Variants in ZNF514 observed in about 807,000 individuals in gnomAD.
ZNF514 encodes the protein zinc finger protein 514.
Under a neutral mutation model 9.7 loss-of-function variants are expected in ZNF514, and 12 were observed. That is an observed-to-expected ratio of 1.24 (90% CI 0.79 to 2.01). The LOEUF (loss-of-function observed/expected upper bound fraction) is 2.01, where lower values mean the gene tolerates loss of function less well. Among genes scored for constraint, ZNF514 ranks in the 30% most tolerant of loss-of-function variants. ZNF514 has a pLI of 0.00. For synonymous variants in ZNF514, 158 were observed against 163.7 expected (o/e 0.97, Z 0.27); for missense variants, 467 against 465.5 (o/e 1.00, Z -0.03).
the ZNF514 span, among the ~76,000 whole-genome samples, chr2:95,127,537 CTTCA>C: frequency 6.6e-6 from 1 of 152,084 alleles, no homozygotes; most frequent in Non-Finnish European, 1.5e-5. Flanking sequence ...ACCTCACTAT[CTTCA>C]TTGTGTTTAG....
the ZNF514 span, among the ~76,000 whole-genome samples, chr2:95,132,751 C>G: frequency 2.0e-5 from 3 of 151,706 alleles, no homozygotes; most frequent in Non-Finnish European, 4.4e-5. Flanking sequence ...GCCTGTAATC[C>G]CAGCTACTCA....
chr2:95,158,200 GGCCCCAGAGTCT>G (rs1475817726), intron 1 of ZNF514, among the ~76,000 whole-genome samples: 1 of 152,110 alleles, frequency 6.6e-6, no homozygotes, highest in Non-Finnish European at 1.5e-5. Flanking sequence ...GGATGTGTGG[GGCCCCAGAGTCT>G]GCAATTCTAG....
downstream of ZNF514, among the ~76,000 whole-genome samples, chr2:95,142,019 T>C (rs566706682): frequency 1.2e-4 from 18 of 152,304 alleles, no homozygotes; most frequent in African/African-American, 4.3e-4. Flanking sequence ...CTTATGGTCA[T>C]TCTTCTTTTC....
rs1673366630 is a variant in ZNF514, at chr2:95,146,613, A to T, written c.*2669T>A. Among the ~76,000 whole-genome samples, 2 of 150,234 alleles carry T rather than the reference A, an allele frequency of 1.3e-5. No homozygotes were observed. Among genetic ancestry groups the T allele is most frequent in the Admixed American group, 6.7e-5 (1 of 14,900 alleles). ...GCCTAAAGAGGGCATTATATACCAC[A>T]CACGGGGGGTGAGGATTTATCTTGT... On this transcript the variant is annotated 3_prime_UTR_variant, in exon 5 of 5. Transcript: ENST00000295208.
downstream of ZNF514, among the ~76,000 whole-genome samples, chr2:95,141,224 C>T (rs12471385): frequency 0.072 from 10,887 of 152,184 alleles, 540 homozygotes; most frequent in Middle Eastern, 0.13. Flanking sequence ...CAGGCTAATA[C>T]AGGAACCACA....
chr2:95,153,910 C>T (rs2104472102), intron 2 of ZNF514: 1 of 152,332 alleles, frequency 6.6e-6, no homozygotes, highest in South Asian at 2.1e-4. Context: ...CTACAAATTC[C>T]TGTTACTTTT....
In ZNF514 at chr2:95,145,077, C is replaced by T. The variant is rs1332296300; in HGVS notation, c.*4205G>A. Among the ~76,000 whole-genome samples the T allele has an allele frequency of 2.0e-5, 3 of 152,242 alleles. No individual in the cohort carries two copies. The highest frequency in any genetic ancestry group is 1.9e-4 in the East Asian group (1 of 5,188). ...TTCATATAGTACAAAAACATGCAGT[C>T]GGAAGCACTGAGAAAACTGGGCAAC... On this transcript the variant is annotated 3_prime_UTR_variant, in exon 5 of 5. Coordinates refer to ENST00000295208, the MANE Select transcript of ZNF514 (RefSeq NM_032788.3).
At chr2:95,129,883 A>G in the ZNF514 span, among the ~76,000 whole-genome samples, 1 of 152,346 alleles carries the variant, frequency 6.6e-6, no homozygotes, top group South Asian at 2.1e-4. Context: ...TTTGTTGGTC[A>G]GCAAGTAGGA....
In ZNF514 at chr2:95,159,639, G is replaced by A. The variant is rs1237473673; in HGVS notation, c.-495C>T. The A allele has an allele frequency of 4.8e-3, 206 of 43,050 alleles. 3 individuals carry two copies. The highest frequency in any genetic ancestry group is 7.4e-3 in the Non-Finnish European group (138 of 18,762). The allele number at this position is 43,050 out of a possible 1,614,324, so 2.7% of individuals were successfully genotyped here. A position where few individuals can be genotyped will look rare whatever the true frequency, so the allele number is the denominator to read the frequency against. On this transcript the variant is annotated 5_prime_UTR_variant, in exon 1 of 5. Transcript: ENST00000295208. The stretch of plus-strand genomic sequence containing the variant: ...CGCCCGCCACCCCGCGCCAGCCCCC[G>A]CCCGCCACCCCGCGCCAGCCCCCGC...
downstream of ZNF514, among the ~76,000 whole-genome samples, chr2:95,143,396 G>C (rs1205034933): frequency 6.6e-6 from 1 of 152,156 alleles, no homozygotes; most frequent in Admixed American, 6.5e-5. Flanking sequence ...CGAGGCGGGT[G>C]AATCACCTGA....
downstream of ZNF514, among the ~76,000 whole-genome samples, chr2:95,141,173 A>C (rs1265293005): frequency 6.6e-6 from 1 of 152,150 alleles, no homozygotes; most frequent in Non-Finnish European, 1.5e-5. Context: ...CCTGTTCCCC[A>C]AAAACCCAGT....
At chr2:95,139,610 T>TA in the ZNF514 span, among the ~76,000 whole-genome samples, 1 of 152,004 alleles carries the variant, frequency 6.6e-6, no homozygotes, top group African/African-American at 2.4e-5. Flanking sequence ...TGATTTTTTT[T>TA]ATTTTTTAGG....
intron 1 of ZNF514, among the ~76,000 whole-genome samples, chr2:95,157,953 T>A (rs1673731602): frequency 6.6e-6 from 1 of 152,192 alleles, no homozygotes. Context: ...TCCCAAGCTC[T>A]GTTAGGTCTC....
At chr2:95,137,843 G>A in the ZNF514 span, among the ~76,000 whole-genome samples, 9 of 152,196 alleles carry the variant, frequency 5.9e-5, no homozygotes, top group African/African-American at 1.4e-4. Flanking sequence ...CAAATCTTAT[G>A]TTGAAATGTA....
At chr2:95,132,867 C>CAAAAAAAAAAAAAAAAA in the ZNF514 span, among the ~76,000 whole-genome samples, 1 of 66,698 alleles carries the variant, frequency 1.5e-5, no homozygotes, top group Non-Finnish European at 2.7e-5. Context: ...GACTCCATCT[C>CAAAAAAAAAAAAAAAAA]AAAAAAAAAA....
the ZNF514 span, among the ~76,000 whole-genome samples, chr2:95,137,691 C>A: frequency 6.6e-6 from 1 of 152,048 alleles, no homozygotes; most frequent in Non-Finnish European, 1.5e-5. Context: ...GGGGTTGAAG[C>A]ATTTCCTTTC....
At chr2:95,153,385 T>C in intron 2 of ZNF514, 126 bp from the exon 3 acceptor site, 2 of 900,342 alleles carry the variant, frequency 2.2e-6, no homozygotes, top group Non-Finnish European at 3.1e-6. Context: ...GAGGTAAATG[T>C]AATACATTTC....
chr2:95,149,074 G>C lies in ZNF514; in HGVS notation c.*208C>G. ...ATTACATTCACGTGGTTTCTCACTA[G>C]TATGGATTCTCCCATGTTTGGTAAG... On this transcript the variant is annotated 3_prime_UTR_variant, in exon 5 of 5. Coordinates refer to ENST00000295208, the MANE Select transcript of ZNF514 (RefSeq NM_032788.3). 1.7e-6 allele frequency: 1 copy of C among 582,746 alleles called. No individual in the cohort carries two copies. The highest frequency in any genetic ancestry group is 2.9e-6 in the Non-Finnish European group (1 of 343,818). 36.1% of individuals were successfully genotyped at this position (582,746 alleles called of 1,614,324 possible).
At chr2:95,151,291 T>C (rs1673530673) in intron 4 of ZNF514, among the ~76,000 whole-genome samples, 1 of 152,204 alleles carries the variant, frequency 6.6e-6, no homozygotes, top group Non-Finnish European at 1.5e-5. Flanking sequence ...GAAAGATGTG[T>C]AAACCATTGT....
Sources: gnomAD v4.1 joint callset for allele counts (sites outside exome capture counted in the v4.1 genomes callset) on GRCh38, gnomAD v4.1.1 for gene constraint, MANE v1.5 for transcripts, NCBI Gene and HGNC (gene_info 2026-07-23, HGNC 2026-07-21) for gene names.